GLYATL1: variants seen among roughly 807,000 people sequenced by gnomAD.
GLYATL1 encodes glycine N-acyltransferase-like protein 1.
GLYATL1 carries 15 observed loss-of-function variants against 20.0 expected under a neutral mutation model. That is an observed-to-expected ratio of 0.75 (90% CI 0.50 to 1.15). The LOEUF (loss-of-function observed/expected upper bound fraction) is 1.15, where lower values mean the gene tolerates loss of function less well. Ranked by LOEUF, GLYATL1 falls within the 50% of genes most tolerant of loss-of-function variation. The probability of loss-of-function intolerance (pLI) is 0.00; values close to 1 mark genes in which losing one functional copy is unlikely to be tolerated. For synonymous variants in GLYATL1, 151 were observed against 131.5 expected, an observed-to-expected ratio of 1.15 and a Z score of -1.01; for missense variants, 380 against 368.5, an observed-to-expected ratio of 1.03 and a Z score of -0.26.
rs946428670 is a variant in GLYATL1, at chr11:58,946,929, A to T, written c.-42-117A>T. 2.0e-5 allele frequency: 16 copies of T among 781,324 alleles called. 1 individual carries two copies. The highest frequency in any genetic ancestry group is 1.9e-4 in the South Asian group (13 of 69,000). 48.4% of individuals were successfully genotyped at this position (781,324 alleles called of 1,614,324 possible). A position where few individuals can be genotyped will look rare whatever the true frequency, so the allele number is the denominator to read the frequency against. ...CCCTCTGAGATTTGGTGTATTCAGA[A>T]TGAATATGATACTAACAGTACCTAC... is the stretch of plus-strand genomic sequence containing the variant. On this transcript the variant is annotated intron_variant, in intron 2 of 6. Coordinates refer to ENST00000532726, the MANE Select transcript of GLYATL1 (RefSeq NM_001389712.2).
upstream of GLYATL1, among the ~76,000 whole-genome samples, chr11:58,923,378 C>G (rs1302374203): frequency 6.6e-6 from 1 of 152,158 alleles, no homozygotes; most frequent in East Asian, 1.9e-4. Flanking sequence ...GGGGTTTAAA[C>G]GCCCTCTAGA....
At chr11:58,905,941 C>T (rs1854866633) in intron 1 of GLYATL1, among the ~76,000 whole-genome samples, 1 of 152,204 alleles carries the variant, frequency 6.6e-6, no homozygotes, top group African/African-American at 2.4e-5. Context: ...GACTCTTCGT[C>T]CATTGGCCAG....
chr11:58,912,649 T>C (rs1474637536), downstream of GLYATL1, among the ~76,000 whole-genome samples: 1 of 152,192 alleles, frequency 6.6e-6, no homozygotes, highest in Non-Finnish European at 1.5e-5. Context: ...AGGTACTTTA[T>C]TTACGTCTTA....
downstream of GLYATL1, chr11:58,908,705 G>A (rs547071987): frequency 6.6e-6 from 1 of 152,356 alleles, no homozygotes; most frequent in South Asian, 2.1e-4. Flanking sequence ...AAGTGCTTGT[G>A]TAAAGCAAAA....
intron 1 of GLYATL1, among the ~76,000 whole-genome samples, chr11:58,915,620 T>G (rs1855153363): frequency 6.6e-6 from 1 of 152,098 alleles, no homozygotes; most frequent in African/African-American, 2.4e-5. Flanking sequence ...TCATATCCTG[T>G]GGGTTAGGGC....
upstream of GLYATL1, among the ~76,000 whole-genome samples, chr11:58,924,831 C>A (rs1369921685): frequency 6.6e-6 from 1 of 152,092 alleles, no homozygotes; most frequent in Non-Finnish European, 1.5e-5. Context: ...TCCAGCCAAG[C>A]AGTTATGTCA....
chr11:58,947,798 A>G, intron 3 of GLYATL1, 60 bp from the exon 4 acceptor site: 1 of 1,155,960 alleles, frequency 8.7e-7, no homozygotes, highest in Non-Finnish European at 1.3e-6. Context: ...TCCTCTTCAC[A>G]ACCAGATCCT....
chr11:58,936,329 A>C (rs1347131558), upstream of GLYATL1, among the ~76,000 whole-genome samples: 1 of 152,236 alleles, frequency 6.6e-6, no homozygotes, highest in African/African-American at 2.4e-5. Flanking sequence ...CTTACAATAC[A>C]AAGAACAATG....
At chr11:58,905,713 GACCGGGAT>G in intron 1 of GLYATL1, 5 of 424,218 alleles carry the variant, frequency 1.2e-5, no homozygotes, top group Non-Finnish European at 1.9e-5. Flanking sequence ...GGATCGCTGG[GACCGGGAT>G]GGGTCATCTG....
intron 1 of GLYATL1, among the ~76,000 whole-genome samples, chr11:58,930,688 A>T (rs1017536654): frequency 2.0e-5 from 3 of 152,226 alleles, no homozygotes; most frequent in Non-Finnish European, 4.4e-5. Context: ...TTAACCTTTT[A>T]TGGAGAAAAT....
chr11:58,948,110 T>C (rs749002887), intron 4 of GLYATL1, 145 bp downstream of exon 4: 2 of 638,898 alleles, frequency 3.1e-6, no homozygotes, highest in Admixed American at 2.2e-5. Flanking sequence ...GCACCTTGCA[T>C]GAGTGCCACG....
intron 1 of GLYATL1, among the ~76,000 whole-genome samples, chr11:58,941,269 C>G (rs517387): frequency 0.33 from 47,707 of 144,052 alleles, 8,258 homozygotes; most frequent in Middle Eastern, 0.4. Context: ...CAATTCCCAT[C>G]TATGAGTGAG....
intron 4 of GLYATL1, among the ~76,000 whole-genome samples, chr11:58,953,435 T>C (rs1353708350): frequency 1.3e-5 from 2 of 151,714 alleles, no homozygotes; most frequent in Admixed American, 1.3e-4. Flanking sequence ...TGTATTTCTT[T>C]TAATAAATGC....
chr11:58,937,428 T>A (rs1855884890), upstream of GLYATL1, among the ~76,000 whole-genome samples: 1 of 152,160 alleles, frequency 6.6e-6, no homozygotes, highest in South Asian at 2.1e-4. Flanking sequence ...TAGAAAGACT[T>A]CTGGAGAGAA....
At chr11:58,915,926 T>TA (rs10674914) in intron 1 of GLYATL1, among the ~76,000 whole-genome samples, 2 of 151,752 alleles carry the variant, frequency 1.3e-5, no homozygotes, top group East Asian at 1.9e-4. Flanking sequence ...AAACGAAACT[T>TA]GTTAAGTTGC....
upstream of GLYATL1, among the ~76,000 whole-genome samples, chr11:58,924,728 T>G (rs917217033): frequency 1.3e-5 from 2 of 152,202 alleles, no homozygotes; most frequent in African/African-American, 4.8e-5. Flanking sequence ...GCAACATTTG[T>G]TTCCAGTCTA....
intron 1 of GLYATL1, among the ~76,000 whole-genome samples, chr11:58,918,356 T>C (rs1855227860): frequency 6.6e-6 from 1 of 152,278 alleles, no homozygotes; most frequent in Non-Finnish European, 1.5e-5. Context: ...CAGTCATTTC[T>C]ATAATGGCTT....
chr11:58,948,426 T>G (rs1442217865), intron 4 of GLYATL1, among the ~76,000 whole-genome samples: 1 of 152,012 alleles, frequency 6.6e-6, no homozygotes, highest in Admixed American at 6.6e-5. Flanking sequence ...ATCACTTGAG[T>G]CCAGGAGTTT....
intron 1 of GLYATL1, among the ~76,000 whole-genome samples, chr11:58,916,221 G>A (rs1161101542): frequency 1.3e-5 from 2 of 152,142 alleles, no homozygotes; most frequent in Admixed American, 6.5e-5. Context: ...TGACTTTTCT[G>A]TAGTGCCTCC....
Sources: gnomAD v4.1 joint callset for allele counts (sites outside exome capture counted in the v4.1 genomes callset) on GRCh38, gnomAD v4.1.1 for gene constraint, MANE v1.5 for transcripts, NCBI Gene and HGNC (gene_info 2026-07-23, HGNC 2026-07-21) for gene names.